LARGE1: variants seen among roughly 807,000 people sequenced by gnomAD.
The protein encoded by LARGE1 is xylosyl- and glucuronyltransferase LARGE1.
Under a neutral mutation model 87.6 loss-of-function variants are expected in LARGE1, and 43 were observed. The observed-to-expected ratio is 0.49, with a 90% CI of 0.38 to 0.63. The LOEUF is 0.63. Ranked by LOEUF, LARGE1 falls within the 30% of genes least tolerant of loss-of-function variation. The probability of loss-of-function intolerance (pLI) is 0.00; values close to 1 mark genes in which losing one functional copy is unlikely to be tolerated. For missense variants in LARGE1, 802 were observed against 1,000.2 expected (o/e 0.80, Z 2.67); for synonymous variants, 434 against 394.6 (o/e 1.10, Z -1.18).
At chr22:33,778,871 G>A (rs904081145) in intron 1 of LARGE1, among the ~76,000 whole-genome samples, 28 of 152,054 alleles carry the variant, frequency 1.8e-4, no homozygotes, top group Admixed American at 1.8e-3. Flanking sequence ...GGCTGGTCTC[G>A]AACTCTCGAC....
At chr22:33,874,136 G>A (rs2064391580) in intron 1 of LARGE1, among the ~76,000 whole-genome samples, 1 of 152,018 alleles carries the variant, frequency 6.6e-6, no homozygotes, top group Non-Finnish European at 1.5e-5. Context: ...TCTGTCCAAC[G>A]CAAAACCTCT....
At chr22:33,201,397 GAGAAGGAAGAAAA>G (rs1312990540) in intron 11 of LARGE1, among the ~76,000 whole-genome samples, 6 of 148,384 alleles carry the variant, frequency 4.0e-5, no homozygotes, top group Non-Finnish European at 8.9e-5. Flanking sequence ...GAAAGAAGGA[GAGAAGGAAGAAAA>G]AGAAGGAAGG....
intron 2 of LARGE1, among the ~76,000 whole-genome samples, chr22:33,758,613 C>A (rs941373686): frequency 6.6e-6 from 1 of 152,176 alleles, no homozygotes; most frequent in African/African-American, 2.4e-5. Flanking sequence ...TTCCAGTTTC[C>A]CATAATCTAT....
chr22:33,302,911 T>C (rs1453109607), intron 12 of LARGE1, among the ~76,000 whole-genome samples: 1 of 152,162 alleles, frequency 6.6e-6, no homozygotes, highest in African/African-American at 2.4e-5. Flanking sequence ...TGGGGTTCGA[T>C]GTGTAGAACC....
chr22:33,663,266 T>C (rs563109166), intron 2 of LARGE1, among the ~76,000 whole-genome samples: 1 of 152,274 alleles, frequency 6.6e-6, no homozygotes, highest in South Asian at 2.1e-4. Context: ...GATGTTTGGG[T>C]AAAATCTTGT....
intron 5 of LARGE1, among the ~76,000 whole-genome samples, chr22:33,588,739 CAG>C (rs2078751793): frequency 6.6e-6 from 1 of 152,100 alleles, no homozygotes. Flanking sequence ...AAGAGGGAGT[CAG>C]AGAGAGAACC....
chr22:33,543,654 G>A (rs1291925973), intron 6 of LARGE1, among the ~76,000 whole-genome samples: 1 of 152,220 alleles, frequency 6.6e-6, no homozygotes, highest in African/African-American at 2.4e-5. Flanking sequence ...ACTTTACTGA[G>A]ACTTAAGCAG....
the LARGE1 span, among the ~76,000 whole-genome samples, chr22:33,094,223 G>A: frequency 6.6e-6 from 1 of 152,126 alleles, no homozygotes; most frequent in African/African-American, 2.4e-5. Flanking sequence ...CTGAGGAAAA[G>A]GCGTATCTGG....
At chr22:33,772,825 A>G (rs1448029025) in intron 1 of LARGE1, among the ~76,000 whole-genome samples, 1 of 148,184 alleles carries the variant, frequency 6.7e-6, no homozygotes, top group East Asian at 2.0e-4. Context: ...GACGCATGGG[A>G]AGCATTCAGT....
intron 11 of LARGE1, among the ~76,000 whole-genome samples, chr22:33,208,141 C>T (rs757887785): frequency 3.3e-4 from 50 of 152,174 alleles, no homozygotes; most frequent in Admixed American, 2.4e-3. Context: ...ATCACCAACA[C>T]GTCTATTTAC....
chr22:33,844,512 G>A (rs900815036), intron 1 of LARGE1, among the ~76,000 whole-genome samples: 2 of 152,136 alleles, frequency 1.3e-5, no homozygotes, highest in Admixed American at 1.3e-4. Flanking sequence ...AGCACTGGAA[G>A]CTGGAATGCA....
chr22:33,559,693 T>G (rs2077797435), intron 6 of LARGE1, among the ~76,000 whole-genome samples: 1 of 152,104 alleles, frequency 6.6e-6, no homozygotes, highest in South Asian at 2.1e-4. Context: ...CTGCCCACGC[T>G]GACAGAGTCA....
intron 1 of LARGE1, among the ~76,000 whole-genome samples, chr22:33,861,176 T>C (rs570819351): frequency 1.3e-5 from 2 of 152,290 alleles, no homozygotes; most frequent in East Asian, 3.9e-4. Flanking sequence ...AGCACAGCCC[T>C]ATCTTGGTAT....
chr22:33,109,620 C>T, the LARGE1 span, among the ~76,000 whole-genome samples: 1 of 152,174 alleles, frequency 6.6e-6, no homozygotes, highest in Non-Finnish European at 1.5e-5. Context: ...AACATTTATT[C>T]ACTTATGGAT....
chr22:33,517,078 A>G (rs1360704128), intron 6 of LARGE1, among the ~76,000 whole-genome samples: 2 of 152,226 alleles, frequency 1.3e-5, no homozygotes, highest in African/African-American at 4.8e-5. Context: ...AGAGCTGATG[A>G]AAATCCTCAG....
At position 33,304,398 on chromosome 22, in the gene LARGE1, CAG is replaced by C; in HGVS notation, c.1559_1560del (p.Ser520Ter). On this transcript the variant is annotated frameshift_variant, in exon 12 of 15. Transcript: ENST00000397394. LOFTEE classifies it high-confidence loss of function. Reference protein sequence around the residue: ...AQQFLRYAQGSEVLMSRHNVG... With the variant: ...AQQFLRYAQGXEVLMSRHNVG... ...ACGTTGTGGCGGCTCATAAGCACCT[CAG>C]AGCCCTGTGCGTAGCGGAGGAACTG... The C allele has an allele frequency of 6.2e-7, 1 of 1,614,252 alleles. No individual in the cohort carries two copies. The highest frequency in any genetic ancestry group is 8.5e-7 in the Non-Finnish European group (1 of 1,180,050).
rs57790780 is a variant in LARGE1 at position 33,728,551 on chromosome 22, C to CAA, written c.106+32818_106+32819dup. Among the ~76,000 whole-genome samples the CAA allele has an allele frequency of 4.1e-3, 154 of 37,454 alleles. 7 individuals carry two copies. Among genetic ancestry groups the CAA allele is most frequent in the African/African-American group, 6.9e-3 (113 of 16,286 alleles). The allele number at this position is 37,454 out of a possible 152,430, so 24.6% of individuals were successfully genotyped here. A position where few individuals can be genotyped will look rare whatever the true frequency, so the allele number is the denominator to read the frequency against. On this transcript the variant is annotated intron_variant, in intron 2 of 14. Coordinates refer to ENST00000397394, the MANE Select transcript of LARGE1 (RefSeq NM_133642.5). ...GAGACTCCGTCTCCACCCCTACCAC[C>CAA]AAAAAAAAAAAAAAAAAAAAAAAAA...
At chr22:33,858,852 T>A (rs1289697100) in intron 1 of LARGE1, among the ~76,000 whole-genome samples, 1 of 152,208 alleles carries the variant, frequency 6.6e-6, no homozygotes, top group Non-Finnish European at 1.5e-5. Flanking sequence ...CACGGAATAC[T>A]ATGCAGCCAT....
At chr22:33,745,412 G>A in intron 2 of LARGE1, among the ~76,000 whole-genome samples, 1 of 152,176 alleles carries the variant, frequency 6.6e-6, no homozygotes, top group East Asian at 1.9e-4. Flanking sequence ...AGCCGTGGGT[G>A]AGGTGCTCGT....
Sources: allele counts gnomAD v4.1 joint callset (sites outside exome capture counted in the v4.1 genomes callset), GRCh38; gene constraint gnomAD v4.1.1; transcripts MANE v1.5; gene names NCBI Gene and HGNC (gene_info 2026-07-23, HGNC 2026-07-21).